The following TRPC4AP variants were observed in gnomAD, a reference collection of about 807,000 sequenced individuals.
The protein encoded by TRPC4AP is transient receptor potential cation channel subfamily C member 4 associated protein.
Under a neutral mutation model 99.0 loss-of-function variants are expected in TRPC4AP, and 45 were observed. The observed-to-expected ratio is 0.45, with a 90% confidence interval of 0.36 to 0.58. The LOEUF (loss-of-function observed/expected upper bound fraction) is 0.58. Ranked by LOEUF, TRPC4AP falls within the 20% of genes least tolerant of loss-of-function variation. TRPC4AP has a pLI of 0.00. For missense variants in TRPC4AP, 879 were observed against 985.3 expected (o/e 0.89, Z 1.44); for synonymous variants, 408 against 385.8 (o/e 1.06, Z -0.67).
chr20:35,049,842 G>A (rs747649570), intron 6 of TRPC4AP, 24 bp downstream of exon 6: 6 of 1,600,518 alleles, frequency 3.7e-6, no homozygotes, highest in Non-Finnish European at 5.1e-6. Flanking sequence ...TTCCCCATCT[G>A]GTCAGCTAGA....
chr20:35,089,224 A>C (rs1354176136), intron 1 of TRPC4AP, among the ~76,000 whole-genome samples: 2 of 151,760 alleles, frequency 1.3e-5, no homozygotes. Context: ...ACATATATAT[A>C]TTTATATATG....
intron 3 of TRPC4AP, among the ~76,000 whole-genome samples, chr20:35,059,367 G>T (rs2083919558): frequency 1.3e-5 from 2 of 152,176 alleles, no homozygotes; most frequent in Admixed American, 6.5e-5. Context: ...ACTGACTTAA[G>T]AAGAAACAGA....
chr20:35,020,545 G>C (rs936019371), intron 9 of TRPC4AP, among the ~76,000 whole-genome samples: 5 of 152,122 alleles, frequency 3.3e-5, no homozygotes, highest in African/African-American at 1.2e-4. Context: ...GCCCAGACTT[G>C]TGACAGTCCA....
intron 7 of TRPC4AP, among the ~76,000 whole-genome samples, chr20:35,037,304 G>A (rs190163287): frequency 0.014 from 1,878 of 137,636 alleles, 32 homozygotes; most frequent in African/African-American, 0.05. Flanking sequence ...CGGAGATCGC[G>A]CCACTGCACT....
At chr20:35,044,965 A>G (rs2083526361) in intron 6 of TRPC4AP, among the ~76,000 whole-genome samples, 2 of 152,148 alleles carry the variant, frequency 1.3e-5, no homozygotes, top group Admixed American at 6.6e-5. Context: ...CCTTTTGAGC[A>G]CCACTGTTTT....
chr20:35,043,971 C>CT (rs1266010217), intron 7 of TRPC4AP, among the ~76,000 whole-genome samples: 1 of 152,088 alleles, frequency 6.6e-6, no homozygotes, highest in Non-Finnish European at 1.5e-5. Flanking sequence ...TAGTTCTTAA[C>CT]TTTTTTTGTG....
At chr20:35,028,738 T>G (rs1481810744) in intron 8 of TRPC4AP, among the ~76,000 whole-genome samples, 1 of 152,184 alleles carries the variant, frequency 6.6e-6, no homozygotes, top group East Asian at 1.9e-4. Context: ...ATCTTCTGCT[T>G]AGTTTTATCC....
At chr20:35,020,988 C>G (rs1600525596) in intron 9 of TRPC4AP, among the ~76,000 whole-genome samples, 1 of 152,224 alleles carries the variant, frequency 6.6e-6, no homozygotes, top group Non-Finnish European at 1.5e-5. Context: ...ACGCTCCATA[C>G]AGCAAGGCAC....
intron 1 of TRPC4AP, among the ~76,000 whole-genome samples, chr20:35,090,836 A>G (rs2085040383): frequency 6.6e-6 from 1 of 152,218 alleles, no homozygotes; most frequent in Admixed American, 6.5e-5. Context: ...CATATCATCT[A>G]ACCTCTCTGA....
intron 7 of TRPC4AP, among the ~76,000 whole-genome samples, chr20:35,035,896 C>T (rs1280382867): frequency 6.6e-6 from 1 of 152,106 alleles, no homozygotes; most frequent in African/African-American, 2.4e-5. Flanking sequence ...CTTCAAAATA[C>T]ACAAGGAATG....
chr20:35,065,260 T>C (rs1228213290), intron 3 of TRPC4AP, among the ~76,000 whole-genome samples: 1 of 152,158 alleles, frequency 6.6e-6, no homozygotes, highest in Non-Finnish European at 1.5e-5. Context: ...AGGGAAACAC[T>C]CAATGGGAGA....
chr20:35,090,810 G>A (rs1569162190), intron 1 of TRPC4AP, among the ~76,000 whole-genome samples: 1 of 152,172 alleles, frequency 6.6e-6, no homozygotes. Context: ...TGATTATCAG[G>A]ATGGGTGTTT....
chr20:35,040,454 T>C (rs2083421805), intron 7 of TRPC4AP, among the ~76,000 whole-genome samples: 1 of 152,186 alleles, frequency 6.6e-6, no homozygotes, highest in Non-Finnish European at 1.5e-5. Context: ...TCTTTGGCTT[T>C]TGGTCTCTGA....
intron 12 of TRPC4AP, among the ~76,000 whole-genome samples, chr20:35,009,544 G>T (rs1042090041): frequency 5.9e-5 from 9 of 152,194 alleles, no homozygotes; most frequent in African/African-American, 2.2e-4. Flanking sequence ...TACTCGGGCG[G>T]CTGAGGCAGG....
intron 5 of TRPC4AP, among the ~76,000 whole-genome samples, chr20:35,054,734 T>A (rs2083785569): frequency 6.6e-6 from 1 of 152,196 alleles, no homozygotes; most frequent in African/African-American, 2.4e-5. Context: ...TGGACAGCTC[T>A]AAGGCCAAAG....
chr20:35,078,259 A>G, intron 1 of TRPC4AP, 85 bp from the exon 2 acceptor site: 1 of 1,454,848 alleles, frequency 6.9e-7, no homozygotes, highest in Non-Finnish European at 9.4e-7. Flanking sequence ...CGACTTCCAA[A>G]CCCACCCAGG....
intron 5 of TRPC4AP, among the ~76,000 whole-genome samples, chr20:35,053,598 C>T (rs961846803): frequency 3.9e-5 from 6 of 152,072 alleles, no homozygotes; most frequent in South Asian, 2.1e-4. Context: ...ACATGGCTAC[C>T]GAGCACTTAA....
intron 2 of TRPC4AP, among the ~76,000 whole-genome samples, chr20:35,074,447 C>T (rs2084416166): frequency 6.6e-6 from 1 of 152,176 alleles, no homozygotes; most frequent in Admixed American, 6.5e-5. Flanking sequence ...TTAAATGTGT[C>T]CCAGAGATCC....
chr20:35,034,037 C>T (rs890975493), intron 8 of TRPC4AP, among the ~76,000 whole-genome samples: 664 of 50,058 alleles, frequency 0.013, 235 homozygotes, highest in African/African-American at 0.041. Context: ...CCCAGCTACT[C>T]GGGAGGCTGA....
Sources: gnomAD v4.1 joint callset for allele counts (sites outside exome capture counted in the v4.1 genomes callset) on GRCh38, gnomAD v4.1.1 for gene constraint, MANE v1.5 for transcripts, NCBI Gene and HGNC (gene_info 2026-07-23, HGNC 2026-07-21) for gene names.